Variants in JAKMIP1 observed in about 807,000 individuals in gnomAD.
The protein encoded by JAKMIP1 is janus kinase and microtubule-interacting protein 1.
In JAKMIP1, 33 loss-of-function variants were observed where a neutral mutation model predicts 113.0. That is an observed-to-expected ratio of 0.29 (90% CI 0.22 to 0.39). The LOEUF (loss-of-function observed/expected upper bound fraction) is 0.39, where lower values mean the gene tolerates loss of function less well. Ranked by LOEUF, JAKMIP1 falls within the 10% of genes least tolerant of loss-of-function variation. The pLI, the probability that JAKMIP1 is intolerant of heterozygous loss-of-function variation, is 1.00. For missense variants in JAKMIP1, 813 were observed against 1,080.5 expected (o/e 0.75, Z 3.47); for synonymous variants, 480 against 459.9 (o/e 1.04, Z -0.56).
chr4:6,096,436 T>C (rs1339395135), intron 3 of JAKMIP1, among the ~76,000 whole-genome samples: 2 of 152,240 alleles, frequency 1.3e-5, no homozygotes, highest in African/African-American at 4.8e-5. Context: ...TTAAAGACTG[T>C]TTCCCAGGCT....
At chr4:6,148,930 G>A (rs1340986130) in intron 1 of JAKMIP1, among the ~76,000 whole-genome samples, 2 of 152,208 alleles carry the variant, frequency 1.3e-5, no homozygotes, top group African/African-American at 4.8e-5. Context: ...ACTGGGTGTG[G>A]TGAGACGGGG....
chr4:6,175,313 G>A (rs375618245), intron 1 of JAKMIP1, among the ~76,000 whole-genome samples: 17 of 152,126 alleles, frequency 1.1e-4, no homozygotes, highest in South Asian at 8.3e-4. Context: ...CCTTCATTCC[G>A]CAATAAAAAG....
intron 1 of JAKMIP1, among the ~76,000 whole-genome samples, chr4:6,189,099 C>T (rs888760139): frequency 6.6e-6 from 1 of 152,198 alleles, no homozygotes; most frequent in Non-Finnish European, 1.5e-5. Flanking sequence ...GGTTTGTCTT[C>T]CACAGTGCAT....
At chr4:6,175,984 C>T (rs1464176004) in intron 1 of JAKMIP1, among the ~76,000 whole-genome samples, 1 of 152,190 alleles carries the variant, frequency 6.6e-6, no homozygotes, top group Non-Finnish European at 1.5e-5. Flanking sequence ...CAGATGAGGT[C>T]CCTTGCTCAT....
chr4:6,145,284 G>A (rs1720702724), intron 1 of JAKMIP1, among the ~76,000 whole-genome samples: 1 of 152,140 alleles, frequency 6.6e-6, no homozygotes, highest in Non-Finnish European at 1.5e-5. Flanking sequence ...ACAAGAAATG[G>A]AGTTCTCCCC....
In JAKMIP1 at chr4:6,081,824, G is replaced by A. The variant is rs1720593979; in HGVS notation, c.955-69C>T. 2.5e-6 allele frequency: 4 copies of A among 1,588,630 alleles called. No homozygotes were observed. Among genetic ancestry groups the A allele is most frequent in the African/African-American group, 1.3e-5 (1 of 74,580 alleles). On this transcript the variant is annotated intron_variant, in intron 5 of 20. Coordinates refer to ENST00000409021, the MANE Select transcript of JAKMIP1 (RefSeq NM_001099433.2). This position sits in a 1 kb window ranked among gnomAD's most constrained non-coding sequence, Gnocchi z 4.6. Reference sequence around the variant, plus strand: ...GGACGGCCGAGGTCACAGCACCGAGGTGAGCAGAGACTCAACCCAGTTAGG... The same window carrying A: ...GGACGGCCGAGGTCACAGCACCGAGATGAGCAGAGACTCAACCCAGTTAGG...
At chr4:6,056,664 G>C in intron 12 of JAKMIP1, 33 bp downstream of exon 12, 2 of 1,582,410 alleles carry the variant, frequency 1.3e-6, no homozygotes, top group South Asian at 1.1e-5. Context: ...ACTGCCCTGC[G>C]GCTGTGTGCT....
chr4:6,185,876 C>T lies in JAKMIP1; in HGVS notation c.-148+14377G>A, dbSNP rs1726602733. ...AACAGCCCACAGCCAAGTTTTCTATCTAAACTATTAAAACTACATTGAGAA... is the reference window on the plus strand; with the variant it reads ...AACAGCCCACAGCCAAGTTTTCTATTTAAACTATTAAAACTACATTGAGAA... On this transcript the variant is annotated intron_variant, in intron 1 of 20. Coordinates refer to ENST00000409021, the MANE Select transcript of JAKMIP1 (RefSeq NM_001099433.2). This position sits in a 1 kb window ranked among gnomAD's most constrained non-coding sequence, Gnocchi z 5.3. 6.6e-6 allele frequency among the ~76,000 whole-genome samples: 1 copy of T among 152,168 alleles called. No homozygotes were observed. The highest frequency in any genetic ancestry group is 1.5e-5 in the Non-Finnish European group (1 of 68,034).
rs577390695 is a variant in JAKMIP1, at chr4:6,112,919, G to A, written c.-69C>T. On this transcript the variant is annotated 5_prime_UTR_variant, in exon 2 of 21. It adds an upstream start codon to the 5' untranslated region. Transcript: ENST00000409021. ...TGTTCACGCACGCCAGCCAGCAGGC[G>A]TGGCTACCAGCTCCACCGTGCTAAC... 22 of 1,567,574 alleles carry A rather than the reference G, an allele frequency of 1.4e-5. No individual in the cohort carries two copies. The highest frequency in any genetic ancestry group is 5.8e-5 in the South Asian group (5 of 86,320).
rs1717776123 is a variant in JAKMIP1 at position 6,064,553 on chromosome 4, T to C, written c.1431+327A>G. 6.6e-6 allele frequency among the ~76,000 whole-genome samples: 1 copy of C among 152,198 alleles called. No homozygotes were observed. Among genetic ancestry groups the C allele is most frequent in the South Asian group, 2.1e-4 (1 of 4,830 alleles). ...GGGAGAGACCATTACGCAGCAGTTT[T>C]AATTGCAAATGGTGAGGAAACCCAA... On this transcript the variant is annotated intron_variant, in intron 9 of 20. Transcript: ENST00000409021. The surrounding 1 kb of genome is among the most constrained non-coding windows in gnomAD (Gnocchi z 4.3).
intron 16 of JAKMIP1, among the ~76,000 whole-genome samples, chr4:6,048,227 G>A (rs1172067698): frequency 6.6e-6 from 1 of 152,246 alleles, no homozygotes; most frequent in Non-Finnish European, 1.5e-5. Context: ...AAGGCTGCAG[G>A]TAGGAGGGTA....
intron 18 of JAKMIP1, among the ~76,000 whole-genome samples, chr4:6,038,837 G>A (rs1268661709): frequency 6.6e-6 from 1 of 152,188 alleles, no homozygotes; most frequent in African/African-American, 2.4e-5. Context: ...GGAGACCCCT[G>A]CGTGGCCAGT....
chr4:6,060,559 G>A, intron 10 of JAKMIP1, 52 bp from the exon 11 acceptor site: 1 of 1,377,794 alleles, frequency 7.3e-7, no homozygotes, highest in African/African-American at 1.4e-5. Context: ...TGGGTGACAG[G>A]GAAGCGGAAA....
Position 6,070,290 on chromosome 4 carries a change from C to T in JAKMIP1, c.1303-5282G>A, listed in dbSNP as rs902685972. 19 of 391,768 alleles carry T rather than the reference C, an allele frequency of 4.8e-5. No individual in the cohort carries two copies. The East Asian group carries it at 6.5e-4, about 13-fold the overall frequency. 24.3% of individuals were successfully genotyped at this position (391,768 alleles called of 1,614,324 possible). ...GCACCAATTCTCTCCCCACGCACTC[C>T]CCTTTCCTCTAACACACCCGCCCTA... On this transcript the variant is annotated intron_variant, in intron 8 of 20. Transcript: ENST00000409021.
chr4:6,143,126 A>T lies in JAKMIP1; in HGVS notation c.-147-30129T>A, dbSNP rs937410613. On this transcript the variant is annotated intron_variant, in intron 1 of 20. Coordinates refer to ENST00000409021, the MANE Select transcript of JAKMIP1 (RefSeq NM_001099433.2). This position sits in a 1 kb window ranked among gnomAD's most constrained non-coding sequence, Gnocchi z 4.9. Reference sequence around the variant, plus strand: ...CTCTCTGAGCCTCTGCCACCCACCTATTAAGCAGAAAGCAGCACAGCTCTC... The same window carrying T: ...CTCTCTGAGCCTCTGCCACCCACCTTTTAAGCAGAAAGCAGCACAGCTCTC... Among the ~76,000 whole-genome samples the T allele has an allele frequency of 2.6e-5, 4 of 152,190 alleles. No homozygotes were observed. Among genetic ancestry groups the T allele is most frequent in the Non-Finnish European group, 4.4e-5 (3 of 68,044 alleles).
chr4:6,090,377 C>T (rs1560168898), intron 3 of JAKMIP1, among the ~76,000 whole-genome samples: 1 of 152,162 alleles, frequency 6.6e-6, no homozygotes, highest in Non-Finnish European at 1.5e-5. Context: ...AACACTTTCA[C>T]CCTAGAGCTT....
In JAKMIP1 at chr4:6,157,973, C is replaced by A. The variant is rs1722451134; in HGVS notation, c.-148+42280G>T. On this transcript the variant is annotated intron_variant, in intron 1 of 20. Coordinates refer to ENST00000409021, the MANE Select transcript of JAKMIP1 (RefSeq NM_001099433.2). This position sits in a 1 kb window ranked among gnomAD's most constrained non-coding sequence, Gnocchi z 4.7. ...CTTTCTATGGATCACTTCATTCTCC[C>A]AAAGAACACAGCTTCTACAACTTCA... is the stretch of plus-strand genomic sequence containing the variant. Among the ~76,000 whole-genome samples, 1 of 152,214 alleles carries A rather than the reference C, an allele frequency of 6.6e-6. No individual in the cohort carries two copies. The highest frequency in any genetic ancestry group is 2.4e-5 in the African/African-American group (1 of 41,456).
In JAKMIP1 at chr4:6,167,323, G is replaced by A. The variant is rs1723762057; in HGVS notation, c.-148+32930C>T. Among the ~76,000 whole-genome samples the A allele has an allele frequency of 6.6e-6, 1 of 151,862 alleles. No homozygotes were observed. The highest frequency in any genetic ancestry group is 1.5e-5 in the Non-Finnish European group (1 of 67,974). ...CATGTGGCTCCTCCTCCCCCTGACA[G>A]TGGCCCTTGTCTCCCTCCAGCCTCC... On this transcript the variant is annotated intron_variant, in intron 1 of 20. Transcript: ENST00000409021. This position sits in a 1 kb window ranked among gnomAD's most constrained non-coding sequence, Gnocchi z 5.3.
intron 1 of JAKMIP1, among the ~76,000 whole-genome samples, chr4:6,161,184 C>T (rs1477534469): frequency 2.0e-5 from 3 of 148,478 alleles, no homozygotes; most frequent in Non-Finnish European, 4.5e-5. Flanking sequence ...CCACTCACCT[C>T]CCCTGATCTC....
Sources: gnomAD v4.1 joint callset for allele counts (sites outside exome capture counted in the v4.1 genomes callset) on GRCh38, gnomAD v4.1.1 for gene constraint, Gnocchi (gnomAD v3.1) non-coding constraint, MANE v1.5 for transcripts, NCBI Gene and HGNC (gene_info 2026-07-23, HGNC 2026-07-21) for gene names.